Variants in ERC2 observed in about 807,000 individuals in gnomAD.
ERC2 encodes ERC protein 2.
Under a neutral mutation model 114.8 loss-of-function variants are expected in ERC2, and 42 were observed. That is an observed-to-expected ratio of 0.37 (90% CI 0.29 to 0.47). The LOEUF is 0.47. ERC2 is among the 20% of genes least tolerant of loss of function. ERC2 has a pLI of 0.99. For synonymous variants in ERC2, 454 were observed against 425.5 expected, an observed-to-expected ratio of 1.07 and a Z score of -0.82; for missense variants, 939 against 1,150.7, an observed-to-expected ratio of 0.82 and a Z score of 2.66.
intron 7 of ERC2, among the ~76,000 whole-genome samples, chr3:56,033,054 AAGAAAG>A (rs1560058685): frequency 1.7e-5 from 2 of 119,976 alleles, no homozygotes; most frequent in Non-Finnish European, 4.0e-5. Context: ...GAAAGAAAGA[AAGAAAG>A]AAAGAAAGAA....
intron 2 of ERC2, among the ~76,000 whole-genome samples, chr3:56,375,767 C>T (rs2059516764): frequency 6.6e-6 from 1 of 152,132 alleles, no homozygotes; most frequent in South Asian, 2.1e-4. Context: ...ATTGTGGCCT[C>T]GATCTAGCAA....
chr3:55,832,721 G>A (rs1052069189), intron 14 of ERC2, among the ~76,000 whole-genome samples: 4 of 152,218 alleles, frequency 2.6e-5, no homozygotes, highest in Admixed American at 6.5e-5. Context: ...TCAAAGGAAC[G>A]CAGTTCCTCA....
intron 2 of ERC2, among the ~76,000 whole-genome samples, chr3:56,398,580 CATACAT>C (rs1353623762): frequency 6.6e-6 from 1 of 152,004 alleles, no homozygotes; most frequent in African/African-American, 2.4e-5. Flanking sequence ...CATATATACA[CATACAT>C]ATACATATAT....
chr3:55,699,932 A>G (rs1353272989), intron 15 of ERC2, among the ~76,000 whole-genome samples: 1 of 152,194 alleles, frequency 6.6e-6, no homozygotes, highest in African/African-American at 2.4e-5. Context: ...GCTGGGTAGA[A>G]ACACAGAACT....
intron 13 of ERC2, among the ~76,000 whole-genome samples, chr3:55,927,819 AT>A (rs1559883244): frequency 1.3e-5 from 2 of 151,786 alleles, no homozygotes; most frequent in South Asian, 4.2e-4. Context: ...CACTGTTTTA[AT>A]TTTTTTTAGC....
intron 17 of ERC2, among the ~76,000 whole-genome samples, chr3:55,531,981 G>A (rs528022749): frequency 6.6e-6 from 1 of 152,324 alleles, no homozygotes; most frequent in Non-Finnish European, 1.5e-5. Context: ...AACTGTCCTC[G>A]GCTTCAGCCT....
chr3:56,307,035 C>G (rs2056269738), intron 2 of ERC2, among the ~76,000 whole-genome samples: 1 of 152,188 alleles, frequency 6.6e-6, no homozygotes, highest in Non-Finnish European at 1.5e-5. Flanking sequence ...AATCAGAGGC[C>G]AGAGCCAGGG....
rs564719662 is a variant in ERC2 at position 55,725,416 on chromosome 3, A to G, written c.2712+9355T>C. ...ACAAAAGGTGGGCTACAGATTGCCAATCACAGAATTCATGGGAATTTCTAC... is the reference window on the plus strand; with the variant it reads ...ACAAAAGGTGGGCTACAGATTGCCAGTCACAGAATTCATGGGAATTTCTAC... On this transcript the variant is annotated intron_variant, in intron 15 of 17. Transcript: ENST00000288221. Among the ~76,000 whole-genome samples the G allele has an allele frequency of 5.3e-5, 8 of 152,350 alleles. No homozygotes were observed. The South Asian group carries it at 1.2e-3, about 24-fold the overall frequency.
chr3:56,299,739 A>G (rs2055736501), intron 2 of ERC2, among the ~76,000 whole-genome samples: 1 of 152,200 alleles, frequency 6.6e-6, no homozygotes, highest in Non-Finnish European at 1.5e-5. Flanking sequence ...CGTCATTTAA[A>G]TATTCTTGAC....
chr3:56,431,670 G>T (rs890495648), intron 2 of ERC2, among the ~76,000 whole-genome samples: 1 of 152,140 alleles, frequency 6.6e-6, no homozygotes, highest in African/African-American at 2.4e-5. Context: ...AAAAAGAGAA[G>T]ACAGTTTTTT....
At chr3:55,803,718 A>T (rs2059389900) in intron 14 of ERC2, among the ~76,000 whole-genome samples, 1 of 152,214 alleles carries the variant, frequency 6.6e-6, no homozygotes, top group Non-Finnish European at 1.5e-5. Flanking sequence ...TGGTGTGTCA[A>T]ACTGTAAACA....
intron 6 of ERC2, among the ~76,000 whole-genome samples, chr3:56,096,996 G>A (rs947765677): frequency 6.6e-6 from 1 of 152,184 alleles, no homozygotes; most frequent in African/African-American, 2.4e-5. Context: ...AGGTTCCATT[G>A]TAACACCTCC....
chr3:56,185,891 A>C (rs547472801), intron 3 of ERC2, among the ~76,000 whole-genome samples: 1 of 152,060 alleles, frequency 6.6e-6, no homozygotes, highest in East Asian at 1.9e-4. Context: ...GCAGATGAGG[A>C]TGTCAGAGAG....
intron 6 of ERC2, among the ~76,000 whole-genome samples, chr3:56,107,723 C>G (rs2078747005): frequency 6.6e-6 from 1 of 152,080 alleles, no homozygotes; most frequent in Non-Finnish European, 1.5e-5. Context: ...ATTTAAAAAG[C>G]CATTGACTGA....
chr3:55,963,068 G>A (rs2068502033), intron 12 of ERC2, among the ~76,000 whole-genome samples: 1 of 152,254 alleles, frequency 6.6e-6, no homozygotes, highest in African/African-American at 2.4e-5. Flanking sequence ...AAGAGCTTCA[G>A]GATGGAAGGT....
At chr3:55,656,301 A>G (rs1152114) in intron 17 of ERC2, among the ~76,000 whole-genome samples, 142,338 of 152,136 alleles carry the variant, frequency 0.94, 66,646 homozygotes, top group East Asian at 1. Context: ...CCCACTTCCA[A>G]CTATTTTTTT....
Position 55,547,884 on chromosome 3 carries a change from C to T in ERC2, c.*40-36608G>A, listed in dbSNP as rs911557905. Among the ~76,000 whole-genome samples, 39 of 152,214 alleles carry T rather than the reference C, an allele frequency of 2.6e-4. 2 individuals carry two copies. Among genetic ancestry groups the T allele is most frequent in the Non-Finnish European group, 1.5e-5 (1 of 68,032 alleles). On this transcript the variant is annotated intron_variant, in intron 17 of 17. Transcript: ENST00000288221. ...CGTAAGGTCACACAGCAGAGCTGGA[C>T]TAGTTGGGGTAGAGCTGGGGAGACA... is the stretch of plus-strand genomic sequence containing the variant.
chr3:55,947,533 C>T (rs977628922), intron 13 of ERC2, among the ~76,000 whole-genome samples: 1 of 151,644 alleles, frequency 6.6e-6, no homozygotes, highest in Admixed American at 6.6e-5. Flanking sequence ...CAAGAGTAGG[C>T]CTTATGAGGC....
At chr3:55,725,477 C>A (rs1404758020) in intron 15 of ERC2, among the ~76,000 whole-genome samples, 1 of 152,000 alleles carries the variant, frequency 6.6e-6, no homozygotes, top group Non-Finnish European at 1.5e-5. Flanking sequence ...CTCCAGCAGG[C>A]AAAGGTTTTT....
Sources: allele counts gnomAD v4.1 joint callset (sites outside exome capture counted in the v4.1 genomes callset), GRCh38; gene constraint gnomAD v4.1.1; transcripts MANE v1.5; gene names NCBI Gene and HGNC (gene_info 2026-07-23, HGNC 2026-07-21).